Variants in CDH8 observed in about 807,000 individuals in gnomAD.
CDH8 encodes cadherin-8.
In CDH8, 17 loss-of-function variants were observed where a neutral mutation model predicts 68.1. The ratio of observed to expected loss-of-function variants is 0.25; its 90% CI spans 0.17 to 0.37. The LOEUF (loss-of-function observed/expected upper bound fraction) is 0.37, where lower values mean the gene tolerates loss of function less well. Ranked by LOEUF, CDH8 falls within the 10% of genes least tolerant of loss-of-function variation. CDH8 has a pLI of 1.00. For missense variants in CDH8, 763 were observed against 999.3 expected, an observed-to-expected ratio of 0.76 and a Z score of 3.19; for synonymous variants, 372 against 365.1, an observed-to-expected ratio of 1.02 and a Z score of -0.21.
intron 8 of CDH8, among the ~76,000 whole-genome samples, chr16:61,782,113 G>A (rs1048559413): frequency 5.3e-5 from 8 of 152,160 alleles, no homozygotes; most frequent in East Asian, 1.9e-4. Flanking sequence ...GAACAGCTCC[G>A]GTCTACAGCT....
chr16:61,981,681 T>C (rs111866322), intron 2 of CDH8, among the ~76,000 whole-genome samples: 4,326 of 141,688 alleles, frequency 0.031, 179 homozygotes, highest in African/African-American at 0.11. Flanking sequence ...TGTGTGTGTG[T>C]GCGCGCGCGC....
chr16:61,852,311 C>G (rs1052974419), intron 4 of CDH8, among the ~76,000 whole-genome samples: 1 of 152,032 alleles, frequency 6.6e-6, no homozygotes, highest in Non-Finnish European at 1.5e-5. Flanking sequence ...TTTGTCAAAC[C>G]TAAAAGACTG....
At chr16:61,947,711 C>T (rs1053530737) in intron 2 of CDH8, among the ~76,000 whole-genome samples, 7 of 152,110 alleles carry the variant, frequency 4.6e-5, no homozygotes, top group African/African-American at 1.7e-4. Flanking sequence ...TAAAAAGCTT[C>T]ATTCATTATT....
chr16:61,689,552 C>A lies in CDH8; in HGVS notation c.1654+24289G>T, dbSNP rs570429882. 1.3e-4 allele frequency among the ~76,000 whole-genome samples: 20 copies of A among 152,054 alleles called. No individual in the cohort carries two copies. The South Asian group carries it at 3.5e-3, about 27-fold the overall frequency. ...TTCAGGGCAATCATTTAGCCTCAAC[C>A]TCACCATGTCTTAAATTCTACAGCT... On this transcript the variant is annotated intron_variant, in intron 10 of 11. Transcript: ENST00000577390.
intron 10 of CDH8, among the ~76,000 whole-genome samples, chr16:61,664,444 G>A (rs918241369): frequency 1.3e-5 from 2 of 151,876 alleles, no homozygotes; most frequent in South Asian, 2.1e-4. Flanking sequence ...AAATGAATAA[G>A]TAACCATAAG....
At chr16:61,819,261 G>A (rs989380988) in intron 6 of CDH8, among the ~76,000 whole-genome samples, 2 of 151,902 alleles carry the variant, frequency 1.3e-5, no homozygotes, top group Non-Finnish European at 2.9e-5. Context: ...CTGTTCTCTA[G>A]GGTAAAATAC....
intron 2 of CDH8, among the ~76,000 whole-genome samples, chr16:62,009,484 C>T (rs1032032169): frequency 7.2e-5 from 11 of 152,194 alleles, no homozygotes; most frequent in Non-Finnish European, 1.5e-4. Context: ...AATTATTCAG[C>T]ATTAACACAA....
At chr16:61,912,973 A>AT (rs898730222) in intron 2 of CDH8, among the ~76,000 whole-genome samples, 24 of 152,294 alleles carry the variant, frequency 1.6e-4, no homozygotes, top group African/African-American at 5.3e-4. Flanking sequence ...CTAATATTCA[A>AT]TTTTTTAAAA....
At chr16:61,792,388 C>A (rs1389554020) in intron 7 of CDH8, among the ~76,000 whole-genome samples, 1 of 151,952 alleles carries the variant, frequency 6.6e-6, no homozygotes, top group Non-Finnish European at 1.5e-5. Context: ...TGGAAAACTC[C>A]TGCTGCTTCT....
intron 3 of CDH8, among the ~76,000 whole-genome samples, chr16:61,881,177 A>T (rs1963570827): frequency 6.6e-6 from 1 of 152,198 alleles, no homozygotes; most frequent in African/African-American, 2.4e-5. Flanking sequence ...CATAACTATG[A>T]GATAATAAGT....
intron 10 of CDH8, among the ~76,000 whole-genome samples, chr16:61,675,099 T>C (rs1024684837): frequency 2.6e-5 from 4 of 151,714 alleles, no homozygotes; most frequent in African/African-American, 9.7e-5. Flanking sequence ...GAATAATAGG[T>C]TAAAGGAAGT....
intron 1 of CDH8, among the ~76,000 whole-genome samples, chr16:62,031,234 A>T (rs915158364): frequency 1.1e-4 from 17 of 152,180 alleles, no homozygotes; most frequent in African/African-American, 3.9e-4. Context: ...TTAAAAGATG[A>T]TTGTGAGAGA....
intron 8 of CDH8, among the ~76,000 whole-genome samples, chr16:61,739,725 C>A (rs1473327880): frequency 1.8e-5 from 2 of 112,624 alleles, no homozygotes; most frequent in African/African-American, 7.0e-5. Context: ...GAGACTCTGC[C>A]TCAAAAAAAA....
At chr16:61,887,090 T>A (rs1311788471) in intron 3 of CDH8, among the ~76,000 whole-genome samples, 1 of 152,172 alleles carries the variant, frequency 6.6e-6, no homozygotes, top group Non-Finnish European at 1.5e-5. Context: ...ACAATAGGAA[T>A]AAGTAGGTAA....
intron 2 of CDH8, among the ~76,000 whole-genome samples, chr16:61,928,939 C>T (rs549961007): frequency 7.8e-4 from 118 of 152,160 alleles, no homozygotes; most frequent in African/African-American, 2.7e-3. Flanking sequence ...GATGGAGTCT[C>T]GTTCAGTTGC....
chr16:61,906,974 T>C (rs1964072902), intron 2 of CDH8, among the ~76,000 whole-genome samples: 2 of 152,202 alleles, frequency 1.3e-5, no homozygotes, highest in Admixed American at 1.3e-4. Context: ...ATGCCAATTA[T>C]CTTGTACACA....
At chr16:61,906,557 G>T (rs887595387) in intron 2 of CDH8, among the ~76,000 whole-genome samples, 1 of 152,266 alleles carries the variant, frequency 6.6e-6, no homozygotes, top group Middle Eastern at 3.4e-3. Flanking sequence ...CCATATATTT[G>T]CCTAACACCA....
intron 8 of CDH8, among the ~76,000 whole-genome samples, chr16:61,744,946 T>C (rs1032143397): frequency 6.6e-6 from 1 of 151,422 alleles, no homozygotes; most frequent in African/African-American, 2.4e-5. Context: ...TATATTATTT[T>C]GTATTTTTCC....
intron 2 of CDH8, among the ~76,000 whole-genome samples, chr16:62,010,799 C>T (rs145815685): frequency 3.9e-5 from 6 of 151,968 alleles, no homozygotes; most frequent in African/African-American, 1.2e-4. Flanking sequence ...AAAAATTAGC[C>T]GGCCATGGTG....
Sources: allele counts gnomAD v4.1 joint callset (sites outside exome capture counted in the v4.1 genomes callset), GRCh38; gene constraint gnomAD v4.1.1; transcripts MANE v1.5; gene names NCBI Gene and HGNC (gene_info 2026-07-23, HGNC 2026-07-21).